The following DISC1 variants were observed in gnomAD, a reference collection of about 807,000 sequenced individuals.
The protein encoded by DISC1 is disrupted in schizophrenia 1 protein.
DISC1 carries 57 observed loss-of-function variants against 84.5 expected under a neutral mutation model. That is an observed-to-expected ratio of 0.67 (90% confidence interval 0.55 to 0.84). The LOEUF is 0.84. DISC1 is among the 40% of genes least tolerant of loss of function. The pLI, the probability that DISC1 is intolerant of heterozygous loss-of-function variation, is 0.00. For missense variants in DISC1, 1,000 were observed against 1,057.8 expected, an observed-to-expected ratio of 0.95 and a Z score of 0.76; for synonymous variants, 411 against 415.2, an observed-to-expected ratio of 0.99 and a Z score of 0.12.
Position 231,626,901 on chromosome 1 carries a change from GCCGCCGGCGGCGGCGGCGTGAGCCA to G in DISC1, c.39_63del (p.Gly14GlnfsTer25). The stretch of plus-strand genomic sequence containing the variant: ...CGGGGGTCCTCAGGGCGCCCCAGCC[GCCGCCGGCGGCGGCGGCGTGAGCCA>G]CCGCGCAGGTAGGGGAGCTGCCACA... On this transcript the variant is annotated frameshift_variant, in exon 1 of 13. Transcript: ENST00000439617. LOFTEE classifies it high-confidence loss of function. 6.7e-7 allele frequency: 1 copy of G among 1,499,222 alleles called. No homozygotes were observed. Among genetic ancestry groups the G allele is most frequent in the South Asian group, 1.2e-5 (1 of 80,844 alleles). The allele number at this position is 1,499,222 out of a possible 1,614,324, so 92.9% of individuals were successfully genotyped here. A position where few individuals can be genotyped will look rare whatever the true frequency, so the allele number is the denominator to read the frequency against.
intron 6 of DISC1, chr1:231,774,779 A>G: frequency 2.2e-6 from 1 of 456,042 alleles, no homozygotes; most frequent in Non-Finnish European, 4.4e-6. Context: ...GAAGTGAAGC[A>G]TTTGAAAGAA....
At chr1:231,985,419 A>G (rs1664285357) in intron 10 of DISC1, among the ~76,000 whole-genome samples, 1 of 151,920 alleles carries the variant, frequency 6.6e-6, no homozygotes, top group Admixed American at 6.5e-5. Context: ...TATGAAAAGC[A>G]TGTTTTCACC....
At chr1:232,030,397 C>T (rs1245714458) in intron 12 of DISC1, among the ~76,000 whole-genome samples, 1 of 152,208 alleles carries the variant, frequency 6.6e-6, no homozygotes, top group Non-Finnish European at 1.5e-5. Context: ...AAGAAGTACA[C>T]CTGTGATATG....
intron 3 of DISC1, among the ~76,000 whole-genome samples, chr1:231,716,975 C>T (rs1016675260): frequency 5.3e-5 from 8 of 152,282 alleles, no homozygotes; most frequent in African/African-American, 1.9e-4. Flanking sequence ...CCACTACCAA[C>T]ACGTTCTGGA....
At chr1:231,931,645 A>ATTTTTTTTTTTTTTTT (rs10652394) in intron 9 of DISC1, among the ~76,000 whole-genome samples, 3 of 137,942 alleles carry the variant, frequency 2.2e-5, no homozygotes, top group Admixed American at 7.4e-5. Flanking sequence ...ACTGCTTGTG[A>ATTTTTTTTTTTTTTTT]TTTTTTTTTT....
intron 9 of DISC1, among the ~76,000 whole-genome samples, chr1:231,935,233 T>G (rs1365793961): frequency 2.0e-5 from 3 of 152,172 alleles, no homozygotes; most frequent in African/African-American, 2.4e-5. Flanking sequence ...GAAACACCAT[T>G]GGGTGGGGTG....
At chr1:231,800,685 T>C (rs2079160834) in intron 8 of DISC1, among the ~76,000 whole-genome samples, 1 of 152,176 alleles carries the variant, frequency 6.6e-6, no homozygotes, top group African/African-American at 2.4e-5. Flanking sequence ...ATTAGTAGCT[T>C]GAAGTCAAGA....
intron 9 of DISC1, among the ~76,000 whole-genome samples, chr1:231,857,982 G>T (rs183448922): frequency 1.3e-5 from 2 of 152,196 alleles, no homozygotes; most frequent in Non-Finnish European, 2.9e-5. Context: ...AACTCTTGCC[G>T]CTATAGGCCC....
chr1:231,645,935 C>A (rs2060090574), intron 1 of DISC1, among the ~76,000 whole-genome samples: 2 of 149,884 alleles, frequency 1.3e-5, no homozygotes, highest in Admixed American at 1.3e-4. Context: ...TACTCACTTT[C>A]AACAATTTCT....
At chr1:231,853,076 T>G (rs2084013640) in intron 9 of DISC1, among the ~76,000 whole-genome samples, 1 of 152,238 alleles carries the variant, frequency 6.6e-6, no homozygotes, top group African/African-American at 2.4e-5. Context: ...TCTACTCTTT[T>G]CTGCTTTTAA....
At chr1:231,654,312 T>C (rs549992789) in intron 1 of DISC1, among the ~76,000 whole-genome samples, 1 of 145,056 alleles carries the variant, frequency 6.9e-6, no homozygotes, top group Non-Finnish European at 1.5e-5. Flanking sequence ...GATAGGATTC[T>C]GTTTTTTTTT....
chr1:231,971,025 T>C (rs973055515), intron 10 of DISC1, among the ~76,000 whole-genome samples: 1 of 152,240 alleles, frequency 6.6e-6, no homozygotes, highest in Non-Finnish European at 1.5e-5. Context: ...TATCCCCAGA[T>C]ATGTCAATGT....
At chr1:232,017,544 G>A (rs1006503858) in intron 11 of DISC1, among the ~76,000 whole-genome samples, 1 of 131,072 alleles carries the variant, frequency 7.6e-6, no homozygotes, top group Non-Finnish European at 1.6e-5. Context: ...AAATATTTTT[G>A]TGGATAGGCA....
rs1474209963 is a variant in DISC1, at chr1:232,038,810, C to T, written c.*1979C>T. On this transcript the variant is annotated 3_prime_UTR_variant, in exon 13 of 13. Transcript: ENST00000439617. ...TTATGTGTTTAGGGATAGTGAGGTT[C>T]CTGCCTTCACTAGGATCCACGGATA... 1.3e-5 allele frequency: 2 copies of T among 152,128 alleles called. No homozygotes were observed. The highest frequency in any genetic ancestry group is 2.4e-5 in the African/African-American group (1 of 41,420). The allele number at this position is 152,128 out of a possible 1,614,324, so 9.4% of individuals were successfully genotyped here.
rs145467810 is a variant in DISC1 at position 231,821,959 on chromosome 1, C to G, written c.1981+3442C>G. On this transcript the variant is annotated intron_variant, in intron 9 of 12. Coordinates refer to ENST00000439617, the MANE Select transcript of DISC1 (RefSeq NM_018662.3). ...CAGGTGATCCACCTGCTTAGGCCTC[C>G]CAAAGTGCTGGAATTACAAGCGTGA... is the stretch of plus-strand genomic sequence containing the variant. Among the ~76,000 whole-genome samples, 1,059 of 152,172 alleles carry G rather than the reference C, an allele frequency of 7.0e-3. 16 individuals carry two copies. Among genetic ancestry groups the G allele is most frequent in the African/African-American group, 0.024 (1,007 of 41,520 alleles).
intron 8 of DISC1, among the ~76,000 whole-genome samples, chr1:231,802,128 G>A (rs1351714052): frequency 2.0e-5 from 3 of 152,010 alleles, no homozygotes; most frequent in African/African-American, 7.2e-5. Flanking sequence ...CTCTCTTCAA[G>A]TTTCTATGAT....
At chr1:231,756,535 GA>G (rs2075149171) in intron 4 of DISC1, among the ~76,000 whole-genome samples, 1 of 101,554 alleles carries the variant, frequency 9.8e-6, no homozygotes, top group Non-Finnish European at 2.5e-5. Context: ...GAGAGAGAGA[GA>G]GAGAGAGAGA....
chr1:231,762,711 C>T (rs957409265), intron 4 of DISC1, among the ~76,000 whole-genome samples: 1 of 151,884 alleles, frequency 6.6e-6, no homozygotes, highest in African/African-American at 2.4e-5. Flanking sequence ...TTTCCCGATA[C>T]AAACATTGAG....
At position 231,812,860 on chromosome 1, in the gene DISC1, C is replaced by T. The variant is rs527794237; in HGVS notation, c.1793-5469C>T. The stretch of plus-strand genomic sequence containing the variant: ...TCAAGCAAGGTCTTGGTCTAAGCCT[C>T]ATGGGATTAGATCTGAGGTCAAAAT... On this transcript the variant is annotated intron_variant, in intron 8 of 12. Coordinates refer to ENST00000439617, the MANE Select transcript of DISC1 (RefSeq NM_018662.3). Among the ~76,000 whole-genome samples, 10 of 152,282 alleles carry T rather than the reference C, an allele frequency of 6.6e-5. No homozygotes were observed. The East Asian group carries it at 1.9e-3, about 29-fold the overall frequency.
Sources: gnomAD v4.1 joint callset for allele counts (sites outside exome capture counted in the v4.1 genomes callset) on GRCh38, gnomAD v4.1.1 for gene constraint, MANE v1.5 for transcripts, NCBI Gene and HGNC (gene_info 2026-07-23, HGNC 2026-07-21) for gene names.